ARHGAP23: variants seen among roughly 807,000 people sequenced by gnomAD.
The protein encoded by ARHGAP23 is Rho GTPase activating protein 23.
A neutral mutation model predicts 136.3 loss-of-function variants in ARHGAP23; 34 were observed. That is an observed-to-expected ratio of 0.25 (90% CI 0.19 to 0.33). The LOEUF is 0.33. Ranked by LOEUF, ARHGAP23 falls within the 10% of genes least tolerant of loss-of-function variation. The pLI, the probability that ARHGAP23 is intolerant of heterozygous loss-of-function variation, is 1.00. For missense variants in ARHGAP23, 1,808 were observed against 2,139.0 expected (o/e 0.85, Z 3.05); for synonymous variants, 832 against 920.5 (o/e 0.90, Z 1.74).
rs1044882886 is a variant in ARHGAP23, at chr17:38,477,617, C to T, written c.2157C>T (p.Tyr719=). ...GSGLRQWKRV[Y]AALRARSLSL... Reference sequence around the variant, plus strand: ...GCCTGCGCCAGTGGAAGCGGGTGTACGCCGCGCTGCGGGCGCGCTCGCTCT... The same window carrying T: ...GCCTGCGCCAGTGGAAGCGGGTGTATGCCGCGCTGCGGGCGCGCTCGCTCT... The change falls in exon 12 of 24, where the codon TAC becomes TAT. Residue 719 remains tyrosine, a synonymous_variant. Coordinates refer to ENST00000622683, the MANE Select transcript of ARHGAP23 (RefSeq NM_001199417.2). This position sits in a 1 kb window ranked among gnomAD's most constrained non-coding sequence, Gnocchi z 6.6. The T allele has an allele frequency of 1.2e-5, 15 of 1,277,498 alleles. No homozygotes were observed. Among genetic ancestry groups the T allele is most frequent in the South Asian group, 2.3e-5 (1 of 44,298 alleles). The allele number at this position is 1,277,498 out of a possible 1,614,324, so 79.1% of individuals were successfully genotyped here. A position where few individuals can be genotyped will look rare whatever the true frequency, so the allele number is the denominator to read the frequency against.
intron 20 of ARHGAP23, among the ~76,000 whole-genome samples, chr17:38,494,829 A>G (rs1352503973): frequency 6.6e-6 from 1 of 152,320 alleles, no homozygotes; most frequent in South Asian, 2.1e-4. Flanking sequence ...CAGCACGTGC[A>G]GAAACAGGGT....
chr17:38,438,549 G>A lies in ARHGAP23; in HGVS notation c.63+10001G>A, dbSNP rs76276274. Reference sequence around the variant, plus strand: ...CGCCCCTTCCCTCCCCCATCAGGTCGTATCCCTCATGCCATACTGAGGAAC... The same window carrying A: ...CGCCCCTTCCCTCCCCCATCAGGTCATATCCCTCATGCCATACTGAGGAAC... On this transcript the variant is annotated intron_variant, in intron 1 of 23. Transcript: ENST00000622683. Among the ~76,000 whole-genome samples, 491 of 152,204 alleles carry A rather than the reference G, an allele frequency of 3.2e-3. 3 individuals carry two copies. Among genetic ancestry groups the A allele is most frequent in the African/African-American group, 0.011 (460 of 41,518 alleles).
intron 11 of ARHGAP23, among the ~76,000 whole-genome samples, chr17:38,474,902 G>A (rs1280046637): frequency 6.6e-6 from 1 of 152,164 alleles, no homozygotes; most frequent in Non-Finnish European, 1.5e-5. Flanking sequence ...CCAGTCTAAC[G>A]TGTGAGCCAC....
chr17:38,511,958 G>C lies in ARHGAP23; in HGVS notation c.*986G>C, dbSNP rs1035097789. On this transcript the variant is annotated 3_prime_UTR_variant, in exon 24 of 24. Transcript: ENST00000622683. Reference sequence around the variant, plus strand: ...GTTCCTGCAGGATGGACAGGACCCAGCGCCCTCTTCTCCCCACAGGCTGTA... The same window carrying C: ...GTTCCTGCAGGATGGACAGGACCCACCGCCCTCTTCTCCCCACAGGCTGTA... 3 of 152,240 alleles carry C rather than the reference G, an allele frequency of 2.0e-5. No individual in the cohort carries two copies. The highest frequency in any genetic ancestry group is 4.4e-5 in the Non-Finnish European group (3 of 68,104). The allele number at this position is 152,240 out of a possible 1,614,324, so 9.4% of individuals were successfully genotyped here. A position where few individuals can be genotyped will look rare whatever the true frequency, so the allele number is the denominator to read the frequency against.
intron 1 of ARHGAP23, among the ~76,000 whole-genome samples, chr17:38,453,425 GT>G: frequency 2.7e-5 from 1 of 36,598 alleles, no homozygotes; most frequent in African/African-American, 1.1e-4. Flanking sequence ...ATGCGTGCGT[GT>G]GTGTGTGTGT....
chr17:38,475,718 G>A (rs1339188995), intron 11 of ARHGAP23, among the ~76,000 whole-genome samples: 1 of 152,236 alleles, frequency 6.6e-6, no homozygotes, highest in African/African-American at 2.4e-5. Context: ...ATATTGATGA[G>A]CCCTTGCATG....
At chr17:38,453,155 A>G (rs2039219891) in intron 1 of ARHGAP23, among the ~76,000 whole-genome samples, 1 of 152,054 alleles carries the variant, frequency 6.6e-6, no homozygotes, top group African/African-American at 2.4e-5. Context: ...GTGTGCTTGC[A>G]CATGCATCTC....
At chr17:38,457,779 C>CAT (rs1407664606) in intron 1 of ARHGAP23, 1 of 462,244 alleles carries the variant, frequency 2.2e-6, no homozygotes, top group Non-Finnish European at 3.9e-6. Flanking sequence ...GGGTCCTGCA[C>CAT]ATAGTAGGTG....
At chr17:38,481,304 G>T (rs1207734428) in intron 14 of ARHGAP23, among the ~76,000 whole-genome samples, 2 of 152,018 alleles carry the variant, frequency 1.3e-5, no homozygotes, top group East Asian at 3.9e-4. Context: ...CCACCACCAC[G>T]CCTGGCTAAT....
Position 38,511,029 on chromosome 17 carries a change from G to A in ARHGAP23, c.*57G>A. The A allele has an allele frequency of 4.4e-6, 6 of 1,375,960 alleles. No individual in the cohort carries two copies. Among genetic ancestry groups the A allele is most frequent in the Non-Finnish European group, 5.6e-6 (6 of 1,072,864 alleles). The allele number at this position is 1,375,960 out of a possible 1,614,324, so 85.2% of individuals were successfully genotyped here. A position where few individuals can be genotyped will look rare whatever the true frequency, so the allele number is the denominator to read the frequency against. ...CCTCCCTAGAGCCCCTTTGGAACCA[G>A]GAGGCTTCACCAGCCTGCACCTCCT... On this transcript the variant is annotated 3_prime_UTR_variant, in exon 24 of 24. Transcript: ENST00000622683.
intron 11 of ARHGAP23, among the ~76,000 whole-genome samples, chr17:38,475,236 A>C (rs1303379389): frequency 6.6e-6 from 1 of 152,180 alleles, no homozygotes; most frequent in Non-Finnish European, 1.5e-5. Flanking sequence ...AGGGAAAGGG[A>C]CAGTGACTTG....
chr17:38,447,831 T>C (rs2039069690), intron 1 of ARHGAP23, among the ~76,000 whole-genome samples: 2 of 152,258 alleles, frequency 1.3e-5, no homozygotes, highest in Non-Finnish European at 2.9e-5. Flanking sequence ...CCTGTCCCAA[T>C]GCCAGCCTGC....
intron 23 of ARHGAP23, among the ~76,000 whole-genome samples, chr17:38,504,760 T>C (rs1269226096): frequency 6.6e-6 from 1 of 152,094 alleles, no homozygotes; most frequent in Non-Finnish European, 1.5e-5. Context: ...ACCATTGTTC[T>C]AGATGTGACA....
At chr17:38,496,055 G>A (rs2040384704) in intron 20 of ARHGAP23, among the ~76,000 whole-genome samples, 2 of 151,942 alleles carry the variant, frequency 1.3e-5, no homozygotes, top group African/African-American at 2.4e-5. Flanking sequence ...GCACAACCAT[G>A]CCCAGCTAAT....
chr17:38,510,955 C>A lies in ARHGAP23; in HGVS notation c.4459C>A (p.Leu1487Met). The stretch of plus-strand genomic sequence containing the variant: ...CCCGCGCCGCTCGGCCGCCTCCCGC[C>A]TGCATCAGTGTCTGTGATCCCCACC... ...QPPRRSAASRLHQCL is the reference protein window; with the variant it reads ...QPPRRSAASRMHQCL Residue 1487 changes from leucine (L) to methionine (M), a missense_variant, in exon 24 of 24, where the codon CTG becomes ATG. Physicochemically the swap from Leu to Met is conservative, Grantham distance 15. Coordinates refer to ENST00000622683, the MANE Select transcript of ARHGAP23 (RefSeq NM_001199417.2). This position sits in a 1 kb window ranked among gnomAD's most constrained non-coding sequence, Gnocchi z 4.6. 6.9e-7 allele frequency: 1 copy of A among 1,457,658 alleles called. No homozygotes were observed. The allele number at this position is 1,457,658 out of a possible 1,614,324, so 90.3% of individuals were successfully genotyped here.
intron 14 of ARHGAP23, 48 bp from the exon 15 acceptor site, chr17:38,481,974 C>A (rs750579318): frequency 1.9e-5 from 28 of 1,469,652 alleles, no homozygotes; most frequent in Non-Finnish European, 2.0e-5. Flanking sequence ...ATGTGTGTGA[C>A]CCTCCTGGAT....
chr17:38,477,928 G>T lies in ARHGAP23; in HGVS notation c.2436+32G>T. The T allele has an allele frequency of 6.5e-7, 1 of 1,546,546 alleles. No individual in the cohort carries two copies. The highest frequency in any genetic ancestry group is 8.7e-7 in the Non-Finnish European group (1 of 1,145,548). The stretch of plus-strand genomic sequence containing the variant: ...GCCCGGCCAGCCCGGCAGCCACAGA[G>T]GGCGGGCGGGGTGGCCTCTCACCGG... On this transcript the variant is annotated intron_variant, in intron 12 of 23. Transcript: ENST00000622683. This position sits in a 1 kb window ranked among gnomAD's most constrained non-coding sequence, Gnocchi z 6.6.
intron 3 of ARHGAP23, among the ~76,000 whole-genome samples, chr17:38,461,215 A>G (rs1023539720): frequency 5.3e-5 from 8 of 152,224 alleles, no homozygotes; most frequent in Admixed American, 5.2e-4. Context: ...TCTGGGGCGC[A>G]GATGGGTGTC....
chr17:38,454,481 G>A (rs903744155), intron 1 of ARHGAP23, among the ~76,000 whole-genome samples: 1 of 152,142 alleles, frequency 6.6e-6, no homozygotes, highest in Non-Finnish European at 1.5e-5. Context: ...GGGTATGGGT[G>A]GGCAGGGACC....
Sources: allele counts gnomAD v4.1 joint callset (sites outside exome capture counted in the v4.1 genomes callset), GRCh38; gene constraint gnomAD v4.1.1; non-coding constraint Gnocchi (gnomAD v3.1); transcripts MANE v1.5; gene names NCBI Gene and HGNC (gene_info 2026-07-23, HGNC 2026-07-21).